ATRNL1: variants seen among roughly 807,000 people sequenced by gnomAD.
The protein encoded by ATRNL1 is attractin-like protein 1.
In ATRNL1, 95 loss-of-function variants were observed where a neutral mutation model predicts 182.7. That is an observed-to-expected ratio of 0.52 (90% CI 0.44 to 0.62). The LOEUF is 0.62. Ranked by LOEUF, ATRNL1 falls within the 20% of genes least tolerant of loss-of-function variation. The pLI is 0.00. For missense variants in ATRNL1, 1,471 were observed against 1,679.5 expected, an observed-to-expected ratio of 0.88 and a Z score of 2.17; for synonymous variants, 576 against 568.3, an observed-to-expected ratio of 1.01 and a Z score of -0.19.
chr10:115,139,747 A>G (rs1318348742), intron 5 of ATRNL1, among the ~76,000 whole-genome samples: 1 of 152,228 alleles, frequency 6.6e-6, no homozygotes, highest in Non-Finnish European at 1.5e-5. Context: ...TCATTCAGAT[A>G]TTTTCCTATG....
intron 27 of ATRNL1, among the ~76,000 whole-genome samples, chr10:115,807,105 C>CT (rs1225755867): frequency 1.9e-3 from 260 of 140,022 alleles, no homozygotes; most frequent in Middle Eastern, 3.8e-3. Flanking sequence ...TACTCAGGTA[C>CT]TTTTTTTTTT....
chr10:115,530,794 A>T (rs1851530382), intron 25 of ATRNL1, among the ~76,000 whole-genome samples: 1 of 101,408 alleles, frequency 9.9e-6, no homozygotes. Context: ...CCACCCCACA[A>T]CAGTCCCCAG....
intron 20 of ATRNL1, among the ~76,000 whole-genome samples, chr10:115,420,455 A>G: frequency 6.6e-6 from 1 of 152,184 alleles, no homozygotes; most frequent in East Asian, 1.9e-4. Context: ...GTACATGGAA[A>G]TTAAACAAGT....
chr10:115,367,425 T>C (rs1857108645), intron 19 of ATRNL1, among the ~76,000 whole-genome samples: 4 of 141,350 alleles, frequency 2.8e-5, no homozygotes, highest in Admixed American at 2.1e-4. Context: ...TTCTTCTAAA[T>C]TTTTTTCAAA....
chr10:115,877,256 T>C (rs1165671566), intron 28 of ATRNL1, among the ~76,000 whole-genome samples: 1 of 152,208 alleles, frequency 6.6e-6, no homozygotes, highest in African/African-American at 2.4e-5. Flanking sequence ...AAAAGAGATA[T>C]CACTTCTCTT....
rs570328702 is a variant in ATRNL1 at position 115,305,651 on chromosome 10, T to C, written c.2818+3608T>C. On this transcript the variant is annotated intron_variant, in intron 17 of 28. Coordinates refer to ENST00000355044, the MANE Select transcript of ATRNL1 (RefSeq NM_207303.4). ...GTCATGCTTGTCTCTCGACAAACAT[T>C]ATTGTTCAATGAAAGAAGCTAGACA... Among the ~76,000 whole-genome samples, 3 of 152,330 alleles carry C rather than the reference T, an allele frequency of 2.0e-5. No homozygotes were observed. In the South Asian group the frequency reaches 6.2e-4, roughly 32 times the overall value.
chr10:115,437,160 A>T (rs1260056496), intron 21 of ATRNL1, among the ~76,000 whole-genome samples: 3 of 152,074 alleles, frequency 2.0e-5, no homozygotes, highest in Non-Finnish European at 4.4e-5. Flanking sequence ...GTTCGTGACT[A>T]GAAAGAACAT....
At chr10:115,684,226 A>G (rs1236426193) in intron 26 of ATRNL1, among the ~76,000 whole-genome samples, 1 of 151,252 alleles carries the variant, frequency 6.6e-6, no homozygotes, top group Non-Finnish European at 1.5e-5. Context: ...TTTTTTTAGT[A>G]TATAGTATAT....
chr10:115,939,246 G>C (rs1453904817), intron 28 of ATRNL1, among the ~76,000 whole-genome samples: 2 of 152,162 alleles, frequency 1.3e-5, no homozygotes, highest in Non-Finnish European at 2.9e-5. Flanking sequence ...GGTCTCAAAG[G>C]AGCCTGTTTC....
chr10:115,591,186 C>T (rs968179010), intron 26 of ATRNL1, among the ~76,000 whole-genome samples: 2 of 152,192 alleles, frequency 1.3e-5, no homozygotes, highest in African/African-American at 4.8e-5. Flanking sequence ...GTAGCAATAT[C>T]TTGAGATCTC....
intron 19 of ATRNL1, among the ~76,000 whole-genome samples, chr10:115,348,067 G>A (rs149770247): frequency 0.013 from 1,963 of 152,150 alleles, 36 homozygotes; most frequent in African/African-American, 0.044. Context: ...CCAGCCTCCC[G>A]GGTTCAAGGG....
At chr10:115,728,671 C>T (rs541633936) in intron 27 of ATRNL1, among the ~76,000 whole-genome samples, 39 of 152,152 alleles carry the variant, frequency 2.6e-4, no homozygotes, top group African/African-American at 8.7e-4. Flanking sequence ...GGATGCTACT[C>T]AAAGGGTCAG....
At chr10:115,818,454 A>C (rs1411897043) in intron 27 of ATRNL1, among the ~76,000 whole-genome samples, 3 of 152,088 alleles carry the variant, frequency 2.0e-5, no homozygotes, top group African/African-American at 7.2e-5. Flanking sequence ...CTATTCAAAA[A>C]TGTTTCATAG....
chr10:115,330,369 C>T (rs1855147195), intron 18 of ATRNL1, among the ~76,000 whole-genome samples: 1 of 152,020 alleles, frequency 6.6e-6, no homozygotes, highest in Non-Finnish European at 1.5e-5. Context: ...TTTTACCTGT[C>T]AGTTTTATAG....
intron 21 of ATRNL1, among the ~76,000 whole-genome samples, chr10:115,460,362 C>A (rs1554969489): frequency 6.6e-6 from 1 of 151,994 alleles, no homozygotes; most frequent in Non-Finnish European, 1.5e-5. Flanking sequence ...GCAGTCAAAC[C>A]TATTCTCCAT....
intron 18 of ATRNL1, among the ~76,000 whole-genome samples, chr10:115,331,063 G>A (rs1855191840): frequency 3.2e-5 from 1 of 31,310 alleles, no homozygotes. Flanking sequence ...GCCCTTTATT[G>A]CATTTTTTTT....
At chr10:115,820,536 G>C (rs1300973008) in intron 27 of ATRNL1, 1 of 152,112 alleles carries the variant, frequency 6.6e-6, no homozygotes, top group East Asian at 1.9e-4. Flanking sequence ...ACTGATCTCT[G>C]ATAGTTTGTT....
chr10:115,246,225 C>T (rs1850632606), intron 10 of ATRNL1, among the ~76,000 whole-genome samples: 1 of 151,978 alleles, frequency 6.6e-6, no homozygotes, highest in Non-Finnish European at 1.5e-5. Context: ...CATGGTTAAA[C>T]CCAAACTCAC....
intron 20 of ATRNL1, among the ~76,000 whole-genome samples, chr10:115,411,544 T>G (rs1193798013): frequency 1.3e-5 from 2 of 151,270 alleles, no homozygotes; most frequent in African/African-American, 4.9e-5. Flanking sequence ...ATCTCTTTGC[T>G]TAGACACAGA....
Sources: allele counts gnomAD v4.1 joint callset (sites outside exome capture counted in the v4.1 genomes callset), GRCh38; gene constraint gnomAD v4.1.1; transcripts MANE v1.5; gene names NCBI Gene and HGNC (gene_info 2026-07-23, HGNC 2026-07-21).